CPEB3: variants seen among roughly 807,000 people sequenced by gnomAD.
CPEB3 encodes the protein cytoplasmic polyadenylation element-binding protein 3.
In CPEB3, 20 loss-of-function variants were observed where a neutral mutation model predicts 67.2. The observed-to-expected ratio is 0.30, with a 90% CI of 0.21 to 0.43. CPEB3 has a LOEUF of 0.43. CPEB3 is among the 20% of genes least tolerant of loss of function. The pLI, the probability that CPEB3 is intolerant of heterozygous loss-of-function variation, is 1.00. For synonymous variants in CPEB3, 376 were observed against 393.1 expected, an observed-to-expected ratio of 0.96 and a Z score of 0.51; for missense variants, 746 against 968.6, an observed-to-expected ratio of 0.77 and a Z score of 3.05.
intron 2 of CPEB3, among the ~76,000 whole-genome samples, chr10:92,237,479 C>G (rs1042933866): frequency 6.6e-6 from 1 of 152,180 alleles, no homozygotes; most frequent in African/African-American, 2.4e-5. Flanking sequence ...AATCCCTATA[C>G]TCCTCGTCAA....
intron 4 of CPEB3, among the ~76,000 whole-genome samples, chr10:92,168,278 G>C (rs1847837649): frequency 6.6e-6 from 1 of 152,118 alleles, no homozygotes; most frequent in Non-Finnish European, 1.5e-5. Flanking sequence ...ATCTTACAGA[G>C]AAACCTACAG....
intron 4 of CPEB3, among the ~76,000 whole-genome samples, chr10:92,167,346 C>T (rs924297155): frequency 1.3e-5 from 2 of 152,234 alleles, no homozygotes; most frequent in African/African-American, 4.8e-5. Flanking sequence ...CAGCTTTCAA[C>T]ATGCCTTCTT....
At chr10:92,175,233 A>G (rs1002814209) in intron 4 of CPEB3, among the ~76,000 whole-genome samples, 1 of 151,050 alleles carries the variant, frequency 6.6e-6, no homozygotes, top group African/African-American at 2.4e-5. Context: ...TATTAACAGG[A>G]TCATCTAGTA....
At chr10:92,088,148 A>C (rs1337317333) in intron 8 of CPEB3, among the ~76,000 whole-genome samples, 1 of 152,018 alleles carries the variant, frequency 6.6e-6, no homozygotes, top group Non-Finnish European at 1.5e-5. Context: ...AGCTCATCTA[A>C]ATTTTCCACT....
intron 6 of CPEB3, among the ~76,000 whole-genome samples, chr10:92,111,447 C>A (rs1463387674): frequency 6.6e-6 from 1 of 152,206 alleles, no homozygotes; most frequent in Non-Finnish European, 1.5e-5. Flanking sequence ...ATCTGGTTAT[C>A]CTTAATGAGG....
chr10:92,106,218 A>G (rs1207475680), intron 7 of CPEB3, among the ~76,000 whole-genome samples: 2 of 149,508 alleles, frequency 1.3e-5, no homozygotes, highest in Admixed American at 1.3e-4. Context: ...TATGCATTAT[A>G]CTATTAACCT....
At chr10:92,053,544 C>CTTTTTTT (rs774865830) in intron 9 of CPEB3, among the ~76,000 whole-genome samples, 2 of 108,074 alleles carry the variant, frequency 1.9e-5, no homozygotes, top group Non-Finnish European at 3.6e-5. Context: ...TTTTCTTTTT[C>CTTTTTTT]TTTTTTTTTT....
At position 92,239,396 on chromosome 10, in the gene CPEB3, C is replaced by T. The variant is rs1851700259; in HGVS notation, c.955G>A (p.Glu319Lys). 6.2e-7 allele frequency: 1 copy of T among 1,605,470 alleles called. No homozygotes were observed. Among genetic ancestry groups the T allele is most frequent in the Non-Finnish European group, 8.5e-7 (1 of 1,175,954 alleles). The change falls in exon 2 of 10, where the codon GAG becomes AAG. Residue 319 changes from glutamate (E) to lysine (K), a missense_variant. Transcript: ENST00000265997. The surrounding 1 kb of genome is among the most constrained non-coding windows in gnomAD (Gnocchi z 6.0). ...TTATCGGTCCGGAAAGCGTTATCCT[C>T]CATCCAGGACTTGGAAGTGAGAGGG... ...AAPLTSKSWM[E>K]DNAFRTDNGN...
In CPEB3 at chr10:92,153,985, T is replaced by G. The variant is rs117198868; in HGVS notation, c.1223-8900A>C. Among the ~76,000 whole-genome samples, 81 of 152,108 alleles carry G rather than the reference T, an allele frequency of 5.3e-4. No individual in the cohort carries two copies. The East Asian group carries it at 0.014, about 27-fold the overall frequency. ...GCATTGTTAAAAGGACTTTTCATAT[T>G]CTCCTTACTGCTCTATAACTAAGAA... On this transcript the variant is annotated intron_variant, in intron 4 of 9. Coordinates refer to ENST00000265997, the MANE Select transcript of CPEB3 (RefSeq NM_014912.5).
intron 4 of CPEB3, among the ~76,000 whole-genome samples, chr10:92,172,299 A>T (rs983762854): frequency 6.6e-6 from 1 of 152,130 alleles, no homozygotes; most frequent in Non-Finnish European, 1.5e-5. Flanking sequence ...AGACAACAAC[A>T]ACAAAAAAAA....
chr10:92,165,897 C>T (rs141409699), intron 4 of CPEB3, among the ~76,000 whole-genome samples: 3 of 152,278 alleles, frequency 2.0e-5, no homozygotes, highest in Non-Finnish European at 2.9e-5. Flanking sequence ...TCTCTACTGA[C>T]GTTTTGAACC....
At chr10:92,136,789 G>C (rs1413148107) in intron 6 of CPEB3, 2 of 152,410 alleles carry the variant, frequency 1.3e-5, no homozygotes, top group Non-Finnish European at 2.9e-5. Context: ...TCGAACTCCT[G>C]ACCTCGTGAT....
intron 5 of CPEB3, among the ~76,000 whole-genome samples, chr10:92,143,667 A>C (rs1017605211): frequency 1.3e-5 from 2 of 152,184 alleles, no homozygotes; most frequent in Admixed American, 1.3e-4. Flanking sequence ...ATATATCAAA[A>C]ATTATAGATC....
At chr10:92,122,642 C>T (rs1432147714) in intron 6 of CPEB3, among the ~76,000 whole-genome samples, 2 of 152,174 alleles carry the variant, frequency 1.3e-5, no homozygotes, top group African/African-American at 4.8e-5. Flanking sequence ...GACTTAGGAA[C>T]AATGCATTAA....
At chr10:92,165,401 TTC>T (rs1412416996) in intron 4 of CPEB3, among the ~76,000 whole-genome samples, 8 of 67,470 alleles carry the variant, frequency 1.2e-4, no homozygotes, top group Admixed American at 5.0e-4. Context: ...CACTTTTTTC[TTC>T]TTTTTTTTTT....
rs117468527 is a variant in CPEB3, at chr10:92,083,570, G to A, written c.1688-2069C>T. Among the ~76,000 whole-genome samples the A allele has an allele frequency of 6.8e-4, 103 of 152,322 alleles. 2 individuals carry two copies. The East Asian group carries it at 0.019, about 28-fold the overall frequency. On this transcript the variant is annotated intron_variant, in intron 8 of 9. Transcript: ENST00000265997. ...AAGGCAAAATTAATTGTTAATTGCA[G>A]TCATTAATGAATTTCCCTTATTGGT... is the stretch of plus-strand genomic sequence containing the variant.
chr10:92,232,742 T>TG (rs1851332212), intron 2 of CPEB3, among the ~76,000 whole-genome samples: 1 of 138,454 alleles, frequency 7.2e-6, no homozygotes, highest in Non-Finnish European at 1.5e-5. Flanking sequence ...TGGGTGACAG[T>TG]GGGAAACTCC....
chr10:92,216,751 C>A, intron 2 of CPEB3: 1 of 1,609,546 alleles, frequency 6.2e-7, no homozygotes, highest in African/African-American at 1.3e-5. Context: ...AGGCTTACGA[C>A]GAGTGCCTGG....
Position 92,239,963 on chromosome 10 carries a change from C to G in CPEB3, c.388G>C (p.Val130Leu). 6.2e-7 allele frequency: 1 copy of G among 1,613,294 alleles called. No individual in the cohort carries two copies. The highest frequency in any genetic ancestry group is 8.5e-7 in the Non-Finnish European group (1 of 1,179,638). The stretch of plus-strand genomic sequence containing the variant: ...TTCTGGAAGAGCATGGTCCCGTTGA[C>G]TGGGGTGATCCCCTGGAAGAAGCTG... ...EDSFFQGITP[V>L]NGTMLFQNFP... The change falls in exon 2 of 10, where the codon GTC (valine) becomes CTC (leucine). Residue 130 changes from valine (V) to leucine (L), a missense_variant. Physicochemically the swap from Val to Leu is conservative, Grantham distance 32 (BLOSUM62 1). Coordinates refer to ENST00000265997, the MANE Select transcript of CPEB3 (RefSeq NM_014912.5). This position sits in a 1 kb window ranked among gnomAD's most constrained non-coding sequence, Gnocchi z 6.0.
Sources: gnomAD v4.1 joint callset for allele counts (sites outside exome capture counted in the v4.1 genomes callset) on GRCh38, gnomAD v4.1.1 for gene constraint, Gnocchi (gnomAD v3.1) non-coding constraint, MANE v1.5 for transcripts, NCBI Gene and HGNC (gene_info 2026-07-23, HGNC 2026-07-21) for gene names.